Variants in CHSY3 observed in about 807,000 individuals in gnomAD.
The protein encoded by CHSY3 is chondroitin sulfate synthase 3, also known as N-acetylgalactosaminyl-proteoglycan 3-beta-glucuronosyltransferase 3.
CHSY3 carries 35 observed loss-of-function variants against 67.2 expected under a neutral mutation model. That is an observed-to-expected ratio of 0.52 (90% CI 0.40 to 0.69). CHSY3 has a LOEUF of 0.69. Ranked by LOEUF, CHSY3 falls within the 30% of genes least tolerant of loss-of-function variation. The probability of loss-of-function intolerance (pLI) is 0.00; values close to 1 mark genes in which losing one functional copy is unlikely to be tolerated. For synonymous variants in CHSY3, 474 were observed against 434.7 expected, an observed-to-expected ratio of 1.09 and a Z score of -1.12; for missense variants, 1,069 against 1,138.5, an observed-to-expected ratio of 0.94 and a Z score of 0.88.
At position 129,904,770 on chromosome 5, in the gene CHSY3, G is replaced by C. The variant is rs1242619058; in HGVS notation, c.-60G>C. On this transcript the variant is annotated 5_prime_UTR_variant, in exon 1 of 3. Transcript: ENST00000305031. Reference sequence around the variant, plus strand: ...GGCGGAGGAGGGGCGGGTGTGAGCCGGGGAAACCGCGTGCCGCGCCGCGAC... The same window carrying C: ...GGCGGAGGAGGGGCGGGTGTGAGCCCGGGAAACCGCGTGCCGCGCCGCGAC... The C allele has an allele frequency of 3.8e-6, 5 of 1,305,218 alleles. No homozygotes were observed. Among genetic ancestry groups the C allele is most frequent in the African/African-American group, 1.5e-5 (1 of 65,060 alleles). The allele number at this position is 1,305,218 out of a possible 1,614,324, so 80.9% of individuals were successfully genotyped here.
intron 2 of CHSY3, among the ~76,000 whole-genome samples, chr5:130,079,547 T>C (rs1766379654): frequency 6.6e-6 from 1 of 152,112 alleles, no homozygotes; most frequent in Admixed American, 6.6e-5. Flanking sequence ...TCTTTTCTAA[T>C]ATCTAAAGAA....
intron 2 of CHSY3, among the ~76,000 whole-genome samples, chr5:130,143,736 ATATATATATATATATATATATG>A (rs1768953601): frequency 1.3e-4 from 12 of 95,272 alleles, no homozygotes; most frequent in African/African-American, 4.0e-4. Context: ...GTGTGTGTGT[ATATATATATATATATATATATG>A]TGTGTGTGTG....
Position 130,165,874 on chromosome 5 carries a change from A to G in CHSY3, c.1087-18355A>G, listed in dbSNP as rs531377748. On this transcript the variant is annotated intron_variant, in intron 2 of 2. Transcript: ENST00000305031. ...TGCCTTTTTGTGAAATATTTTCTCA[A>G]TGAATATGCCATTGAGATTAGCCAT... Among the ~76,000 whole-genome samples, 240 of 152,242 alleles carry G rather than the reference A, an allele frequency of 1.6e-3. 3 individuals carry two copies. The highest frequency in any genetic ancestry group is 5.5e-3 in the African/African-American group (229 of 41,578).
chr5:130,165,170 T>G (rs1299914090), intron 2 of CHSY3, among the ~76,000 whole-genome samples: 1 of 152,168 alleles, frequency 6.6e-6, no homozygotes, highest in African/African-American at 2.4e-5. Flanking sequence ...TGCCTCATGT[T>G]GCATCATGGA....
intron 2 of CHSY3, among the ~76,000 whole-genome samples, chr5:130,117,299 A>G (rs1767842236): frequency 6.6e-6 from 1 of 152,256 alleles, no homozygotes; most frequent in African/African-American, 2.4e-5. Flanking sequence ...CTAAGGAACC[A>G]TGGGATCATG....
At chr5:130,124,203 G>T (rs186084769) in intron 2 of CHSY3, among the ~76,000 whole-genome samples, 1 of 151,914 alleles carries the variant, frequency 6.6e-6, no homozygotes, top group South Asian at 2.1e-4. Context: ...GATGTGAGCC[G>T]TGGTTGCAGG....
chr5:130,081,587 G>A (rs1465239376), intron 2 of CHSY3, among the ~76,000 whole-genome samples: 1 of 152,026 alleles, frequency 6.6e-6, no homozygotes, highest in Non-Finnish European at 1.5e-5. Flanking sequence ...ATACCCACAT[G>A]TTGTGGGAGG....
chr5:130,007,428 G>A (rs115303755), intron 2 of CHSY3, among the ~76,000 whole-genome samples: 2,152 of 152,104 alleles, frequency 0.014, 31 homozygotes, highest in South Asian at 0.027. Flanking sequence ...AAGGAGGAAG[G>A]ACTCAGATCC....
chr5:130,017,671 A>G (rs1764253741), intron 2 of CHSY3, among the ~76,000 whole-genome samples: 1 of 152,092 alleles, frequency 6.6e-6, no homozygotes, highest in South Asian at 2.1e-4. Context: ...TATTTATTTT[A>G]TTATTTTCTT....
intron 2 of CHSY3, among the ~76,000 whole-genome samples, chr5:130,021,203 A>G (rs1764379615): frequency 6.6e-6 from 1 of 152,196 alleles, no homozygotes; most frequent in Non-Finnish European, 1.5e-5. Context: ...ATATGCATAT[A>G]TCAGCATTAT....
chr5:129,982,737 A>G (rs1185267514), intron 2 of CHSY3, among the ~76,000 whole-genome samples: 1 of 152,078 alleles, frequency 6.6e-6, no homozygotes, highest in African/African-American at 2.4e-5. Flanking sequence ...AGCAGCACTC[A>G]TAGAAGTTAT....
chr5:129,951,381 A>C (rs1762018978), intron 2 of CHSY3, among the ~76,000 whole-genome samples: 1 of 151,868 alleles, frequency 6.6e-6, no homozygotes, highest in Non-Finnish European at 1.5e-5. Context: ...ACAAAAGCAA[A>C]AAATAAACAC....
chr5:130,087,740 A>C (rs1210782934), intron 2 of CHSY3, among the ~76,000 whole-genome samples: 2 of 151,986 alleles, frequency 1.3e-5, no homozygotes, highest in Non-Finnish European at 2.9e-5. Flanking sequence ...ATGGAAGAAC[A>C]TTCCATGCTC....
chr5:130,075,147 T>G (rs1001213960), intron 2 of CHSY3, among the ~76,000 whole-genome samples: 2 of 152,138 alleles, frequency 1.3e-5, no homozygotes, highest in Non-Finnish European at 2.9e-5. Context: ...CCACCTACCT[T>G]AAATGCGCTT....
At chr5:129,916,516 GA>G (rs757571628) in intron 2 of CHSY3, among the ~76,000 whole-genome samples, 1 of 151,872 alleles carries the variant, frequency 6.6e-6, no homozygotes, top group Non-Finnish European at 1.5e-5. Context: ...TTAAAAAATG[GA>G]AAAATCGGCA....
intron 2 of CHSY3, among the ~76,000 whole-genome samples, chr5:129,970,916 T>C (rs553159370): frequency 3.8e-4 from 58 of 151,872 alleles, no homozygotes; most frequent in Non-Finnish European, 8.0e-4. Context: ...TAAATATCAA[T>C]GTAAATGTCT....
intron 2 of CHSY3, among the ~76,000 whole-genome samples, chr5:130,104,348 G>C (rs761216292): frequency 1.3e-5 from 2 of 151,782 alleles, no homozygotes; most frequent in Admixed American, 6.6e-5. Context: ...TACTTTACAC[G>C]TGGTTTCAGG....
chr5:129,951,509 C>T (rs924332339), intron 2 of CHSY3, among the ~76,000 whole-genome samples: 1 of 152,204 alleles, frequency 6.6e-6, no homozygotes, highest in Non-Finnish European at 1.5e-5. Flanking sequence ...AGCATCTTCT[C>T]TGTAAATTGC....
intron 2 of CHSY3, among the ~76,000 whole-genome samples, chr5:129,933,817 T>A (rs1204844630): frequency 6.6e-6 from 1 of 152,168 alleles, no homozygotes; most frequent in Non-Finnish European, 1.5e-5. Flanking sequence ...CATATAATTC[T>A]AATTCTAATT....
Sources: gnomAD v4.1 joint callset for allele counts (sites outside exome capture counted in the v4.1 genomes callset) on GRCh38, gnomAD v4.1.1 for gene constraint, MANE v1.5 for transcripts, NCBI Gene and HGNC (gene_info 2026-07-23, HGNC 2026-07-21) for gene names.